Variants in GNA14 observed in about 807,000 individuals in gnomAD.
GNA14 encodes the protein G protein subunit alpha 14.
In GNA14, 50 loss-of-function variants were observed where a neutral mutation model predicts 42.0. That is an observed-to-expected ratio of 1.19 (90% CI 0.95 to 1.51). GNA14 has a LOEUF of 1.51. Ranked by LOEUF, GNA14 falls within the 40% of genes most tolerant of loss-of-function variation. GNA14 has a pLI of 0.00. For synonymous variants in GNA14, 173 were observed against 163.1 expected, an observed-to-expected ratio of 1.06 and a Z score of -0.46; for missense variants, 473 against 446.2, an observed-to-expected ratio of 1.06 and a Z score of -0.54.
At chr9:77,486,326 C>T (rs1471745681) in intron 2 of GNA14, among the ~76,000 whole-genome samples, 1 of 152,164 alleles carries the variant, frequency 6.6e-6, no homozygotes. Flanking sequence ...TTCATAGAAT[C>T]GAAGAGAGTT....
intron 2 of GNA14, among the ~76,000 whole-genome samples, chr9:77,523,861 A>C (rs1837396922): frequency 6.6e-6 from 1 of 152,160 alleles, no homozygotes. Context: ...TACATCATGC[A>C]AGCAGATTCT....
At chr9:77,508,345 A>G (rs1385600301) in intron 2 of GNA14, among the ~76,000 whole-genome samples, 1 of 152,220 alleles carries the variant, frequency 6.6e-6, no homozygotes, top group Non-Finnish European at 1.5e-5. Flanking sequence ...AGAACAAATG[A>G]GCAAATATGT....
At chr9:77,533,446 C>T (rs1422778727) in intron 1 of GNA14, among the ~76,000 whole-genome samples, 1 of 152,210 alleles carries the variant, frequency 6.6e-6, no homozygotes, top group Non-Finnish European at 1.5e-5. Context: ...TCTCAAAATG[C>T]AAGGATTACA....
Position 77,644,437 on chromosome 9 carries a change from C to CAAAAA in GNA14, c.124+3228_124+3232dup, listed in dbSNP as rs764737417. On this transcript the variant is annotated intron_variant, in intron 1 of 6. Coordinates refer to ENST00000341700, the MANE Select transcript of GNA14 (RefSeq NM_004297.4). ...TACTGAACTCCAACCTAAAGAGTGTCAAAAAAAAAAAAAAAAAAAAAAAAA... is the reference window on the plus strand; with the variant it reads ...TACTGAACTCCAACCTAAAGAGTGTCAAAAAAAAAAAAAAAAAAAAAAAAAAAAAA... 1.6e-3 allele frequency among the ~76,000 whole-genome samples: 55 copies of CAAAAA among 34,020 alleles called. 9 individuals are homozygous for CAAAAA. The highest frequency in any genetic ancestry group is 0.013 in the East Asian group (10 of 776). 22.3% of individuals were successfully genotyped at this position (34,020 alleles called of 152,430 possible). A position where few individuals can be genotyped will look rare whatever the true frequency, so the allele number is the denominator to read the frequency against.
chr9:77,429,019 C>A lies in GNA14; in HGVS notation c.611G>T (p.Gly204Val). 6.2e-7 allele frequency: 1 copy of A among 1,613,910 alleles called. No homozygotes were observed. The highest frequency in any genetic ancestry group is 2.2e-5 in the East Asian group (1 of 44,870). ...NIIFRMVDVG[G>V]QRSERRKWIH... ...CCACTTCCGTCTTTCCGATCGTTGG[C>A]CACCAACATCCACCATCCTGTTGTG... The change falls in exon 5 of 7, where the codon GGC becomes GTC. Residue 204 changes from glycine to valine, a missense_variant. Coordinates refer to ENST00000341700, the MANE Select transcript of GNA14 (RefSeq NM_004297.4).
intron 1 of GNA14, 122 bp downstream of exon 1, chr9:77,647,548 A>T: frequency 9.1e-7 from 1 of 1,094,814 alleles, no homozygotes; most frequent in Non-Finnish European, 1.3e-6. Flanking sequence ...TCCGAGGGGG[A>T]GAAGGACGAA....
At chr9:77,595,097 G>A (rs751851899) in intron 1 of GNA14, among the ~76,000 whole-genome samples, 14 of 152,188 alleles carry the variant, frequency 9.2e-5, no homozygotes, top group Admixed American at 3.9e-4. Flanking sequence ...ATGCTATAGG[G>A]TGGAGCTGTT....
At chr9:77,496,412 T>G (rs1474881518) in intron 2 of GNA14, among the ~76,000 whole-genome samples, 1 of 152,188 alleles carries the variant, frequency 6.6e-6, no homozygotes, top group East Asian at 1.9e-4. Flanking sequence ...AATGCCCTGT[T>G]TATTCAGACT....
intron 3 of GNA14, 50 bp from the exon 4 acceptor site, chr9:77,431,499 A>ATG: frequency 1.3e-6 from 2 of 1,548,542 alleles, no homozygotes; most frequent in Non-Finnish European, 1.8e-6. Flanking sequence ...GCAGGGGGAA[A>ATG]TGTCCATCCT....
chr9:77,542,588 C>A (rs1291900727), intron 1 of GNA14, among the ~76,000 whole-genome samples: 2 of 152,114 alleles, frequency 1.3e-5, no homozygotes, highest in Non-Finnish European at 2.9e-5. Context: ...CACTGGGCAG[C>A]AGGTATGATG....
At chr9:77,539,455 C>G (rs768018577) in intron 1 of GNA14, among the ~76,000 whole-genome samples, 15 of 152,004 alleles carry the variant, frequency 9.9e-5, no homozygotes, top group Admixed American at 3.3e-4. Context: ...CAGGGATATT[C>G]GCCTGTTGTT....
At chr9:77,426,662 G>C (rs1413965924) in intron 5 of GNA14, among the ~76,000 whole-genome samples, 10 of 152,172 alleles carry the variant, frequency 6.6e-5, no homozygotes, top group African/African-American at 1.7e-4. Flanking sequence ...CCTGGGGAAG[G>C]TTGTGTAGAA....
chr9:77,586,802 G>A (rs1210629624), intron 1 of GNA14, among the ~76,000 whole-genome samples: 1 of 152,186 alleles, frequency 6.6e-6, no homozygotes, highest in African/African-American at 2.4e-5. Context: ...CCAGCGCCAT[G>A]TTGCCTGTTC....
At chr9:77,553,396 C>G (rs1407624805) in intron 1 of GNA14, among the ~76,000 whole-genome samples, 1 of 151,956 alleles carries the variant, frequency 6.6e-6, no homozygotes, top group East Asian at 1.9e-4. Context: ...AAGATCAGAC[C>G]TATATGGCAC....
At chr9:77,578,108 T>C (rs865913061) in intron 1 of GNA14, among the ~76,000 whole-genome samples, 1 of 151,940 alleles carries the variant, frequency 6.6e-6, no homozygotes. Flanking sequence ...ACTCCGTCTC[T>C]ACTAAAAAAA....
At position 77,469,355 on chromosome 9, in the gene GNA14, T is replaced by C. The variant is rs140607733; in HGVS notation, c.310-34833A>G. 5.5e-4 allele frequency among the ~76,000 whole-genome samples: 52 copies of C among 95,120 alleles called. No individual in the cohort carries two copies. The East Asian group carries it at 0.012, about 22-fold the overall frequency. 62.4% of individuals were successfully genotyped at this position (95,120 alleles called of 152,430 possible). A position where few individuals can be genotyped will look rare whatever the true frequency, so the allele number is the denominator to read the frequency against. ...GGAGGGCCCAGAATTAGTCCTAGGA[T>C]AAACTGTGTTAAAAAAAAAAAAAAA... On this transcript the variant is annotated intron_variant, in intron 2 of 6. Coordinates refer to ENST00000341700, the MANE Select transcript of GNA14 (RefSeq NM_004297.4).
chr9:77,594,859 C>T (rs1823440329), intron 1 of GNA14, among the ~76,000 whole-genome samples: 1 of 152,204 alleles, frequency 6.6e-6, no homozygotes, highest in South Asian at 2.1e-4. Flanking sequence ...TAAGTCCATG[C>T]TCACTCTAAA....
At chr9:77,480,563 A>C (rs1032071982) in intron 2 of GNA14, among the ~76,000 whole-genome samples, 8 of 152,232 alleles carry the variant, frequency 5.3e-5, no homozygotes, top group Admixed American at 3.3e-4. Context: ...CTGGCCTCAT[A>C]AAATGAGTTA....
chr9:77,549,527 T>C (rs931182407), intron 1 of GNA14, among the ~76,000 whole-genome samples: 2 of 152,184 alleles, frequency 1.3e-5, no homozygotes, highest in Non-Finnish European at 1.5e-5. Flanking sequence ...TGTTTTGAAA[T>C]GTTTCTCAGT....
Sources: allele counts gnomAD v4.1 joint callset (sites outside exome capture counted in the v4.1 genomes callset), GRCh38; gene constraint gnomAD v4.1.1; transcripts MANE v1.5; gene names NCBI Gene and HGNC (gene_info 2026-07-23, HGNC 2026-07-21).